The following COG4 variants were observed in gnomAD, a reference collection of about 807,000 sequenced individuals.
COG4 encodes component of oligomeric golgi complex 4, also known as conserved oligomeric Golgi complex subunit 4.
Under a neutral mutation model 95.1 loss-of-function variants are expected in COG4, and 65 were observed. The ratio of observed to expected loss-of-function variants is 0.68; its 90% CI spans 0.56 to 0.84. COG4 has a LOEUF of 0.84. COG4 is among the 40% of genes least tolerant of loss of function. The pLI is 0.00. For missense variants in COG4, 1,045 were observed against 989.1 expected, an observed-to-expected ratio of 1.06 and a Z score of -0.76; for synonymous variants, 421 against 374.8, an observed-to-expected ratio of 1.12 and a Z score of -1.42.
At chr16:70,506,463 C>T (rs2049569218) in intron 8 of COG4, among the ~76,000 whole-genome samples, 1 of 149,482 alleles carries the variant, frequency 6.7e-6, no homozygotes, top group South Asian at 2.1e-4. Flanking sequence ...GTGGTGGCAC[C>T]TGCCTACAGT....
At chr16:70,521,078 T>C (rs2049932289) in intron 1 of COG4, among the ~76,000 whole-genome samples, 1 of 152,008 alleles carries the variant, frequency 6.6e-6, no homozygotes, top group Non-Finnish European at 1.5e-5. Flanking sequence ...AGCCACGAGG[T>C]CTCACTATAT....
chr16:70,509,399 G>A lies in COG4; in HGVS notation c.845-11C>T, dbSNP rs561547292. 2.0e-5 allele frequency: 32 copies of A among 1,614,098 alleles called. 1 individual carries two copies. The highest frequency in any genetic ancestry group is 1.6e-4 in the South Asian group (15 of 91,082). On this transcript the variant is annotated splice_polypyrimidine_tract_variant and intron_variant, in intron 6 of 18. Transcript: ENST00000323786. ...CAATGCGGGCAATCCCTAGAAGGGA[G>A]GAAGCAATAGGGTTATATTCCAAGT... is the stretch of plus-strand genomic sequence containing the variant.
In COG4 at chr16:70,480,999, CA is replaced by C; in HGVS notation, c.*10del. 1.2e-6 allele frequency: 2 copies of C among 1,611,684 alleles called. No homozygotes were observed. The highest frequency in any genetic ancestry group is 1.7e-6 in the Non-Finnish European group (2 of 1,179,976). The stretch of plus-strand genomic sequence containing the variant: ...GCAAGTGTGATGAGCCAGGTGTGCT[CA>C]TCCAGGCAGCTACAGGCGCAGCCTC... On this transcript the variant is annotated 3_prime_UTR_variant, in exon 19 of 19. Transcript: ENST00000323786.
At chr16:70,491,715 TC>T (rs1468811776) in intron 12 of COG4, among the ~76,000 whole-genome samples, 2 of 144,604 alleles carry the variant, frequency 1.4e-5, no homozygotes, top group Non-Finnish European at 3.0e-5. Flanking sequence ...TCCCAGCTAC[TC>T]GGGAGGCTGA....
chr16:70,517,682 T>TA lies in COG4; in HGVS notation c.312dup (p.Thr105TyrfsTer6). ...GACACATTCTCAGCCAGGTTGCAGG[T>TA]AAAGGTGATCATTCCAGCCAGCTGC... On this transcript the variant is annotated frameshift_variant, in exon 3 of 19. Coordinates refer to ENST00000323786, the MANE Select transcript of COG4 (RefSeq NM_015386.3). LOFTEE classifies it high-confidence loss of function. 3 of 1,610,376 alleles carry TA rather than the reference T, an allele frequency of 1.9e-6. No homozygotes were observed.
chr16:70,496,520 G>T, intron 11 of COG4, 89 bp from the exon 12 acceptor site: 2 of 1,312,004 alleles, frequency 1.5e-6, no homozygotes, highest in Non-Finnish European at 2.2e-6. Context: ...TGACCCAGCA[G>T]CACAAGGTGC....
intron 14 of COG4, 55 bp from the exon 15 acceptor site, chr16:70,482,876 C>T (rs2049029737): frequency 1.4e-5 from 18 of 1,329,690 alleles, no homozygotes; most frequent in Non-Finnish European, 1.6e-5. Context: ...TCATCCCTTC[C>T]CTCTCTCTTC....
In COG4 at chr16:70,509,992, G is replaced by A. The variant is rs202156699; in HGVS notation, c.768C>T (p.Leu256=). The A allele has an allele frequency of 1.2e-5, 20 of 1,614,024 alleles. No individual in the cohort carries two copies. The Admixed American group carries it at 2.5e-4, about 20-fold the overall frequency. ...CACTCATGTCTGTCCCCAGCACCAT[G>A]AGCAGATTCTCCTCAGCTTTACTGG... ...QVASKAEENL[L]MVLGTDMSDR... is the part of the protein sequence containing the mutation. The change falls in exon 6 of 19, where the codon CTC becomes CTT. Residue 256 remains leucine, a synonymous_variant. Transcript: ENST00000323786.
intron 4 of COG4, 111 bp downstream of exon 4, chr16:70,514,224 A>G: frequency 9.3e-7 from 1 of 1,080,112 alleles, no homozygotes; most frequent in Non-Finnish European, 1.4e-6. Context: ...AAGAAGAAAA[A>G]GAAAAAAGAA....
At chr16:70,506,931 G>A (rs905965878) in intron 8 of COG4, among the ~76,000 whole-genome samples, 2 of 152,162 alleles carry the variant, frequency 1.3e-5, no homozygotes, top group African/African-American at 4.8e-5. Flanking sequence ...GAACTGCTGG[G>A]CTGGGCATGG....
rs1343748212 is a variant in COG4, at chr16:70,497,367, A to G, written c.1335T>C (p.Tyr445=). ...TGCTGGATGTCAGCTGGCCCTTCTCATAGGTGTCCAGAGCCACAGCCTACC... is the reference window on the plus strand; with the variant it reads ...TGCTGGATGTCAGCTGGCCCTTCTCGTAGGTGTCCAGAGCCACAGCCTACC... ...TVNKAVALDT[Y]EKGQLTSSMV... The change falls in exon 11 of 19, where the codon TAT becomes TAC. Residue 445 remains tyrosine, a synonymous_variant. Coordinates refer to ENST00000323786, the MANE Select transcript of COG4 (RefSeq NM_015386.3). The G allele has an allele frequency of 6.2e-6, 10 of 1,613,350 alleles. No individual in the cohort carries two copies. The highest frequency in any genetic ancestry group is 8.5e-6 in the Non-Finnish European group (10 of 1,179,848).
intron 13 of COG4, among the ~76,000 whole-genome samples, chr16:70,486,331 T>C (rs552891448): frequency 6.6e-6 from 1 of 152,300 alleles, no homozygotes; most frequent in East Asian, 1.9e-4. Context: ...TCATGCTGTT[T>C]TGGCTCCAGA....
chr16:70,508,659 T>C (rs1384039765), intron 7 of COG4, 195 bp from the exon 8 acceptor site: 3 of 683,198 alleles, frequency 4.4e-6, no homozygotes, highest in Admixed American at 2.0e-5. Flanking sequence ...ATGCTAATAA[T>C]ACTCACCTCT....
chr16:70,505,265 T>C (rs896131508), intron 8 of COG4, among the ~76,000 whole-genome samples: 4 of 149,070 alleles, frequency 2.7e-5, no homozygotes, highest in South Asian at 2.1e-4. Flanking sequence ...TGGCACGATA[T>C]TGGCTCACTG....
At chr16:70,503,185 G>A (rs1052975952) in intron 8 of COG4, among the ~76,000 whole-genome samples, 4 of 152,138 alleles carry the variant, frequency 2.6e-5, no homozygotes. Flanking sequence ...CCAAGTAGCT[G>A]GGATTATAGA....
Position 70,512,351 on chromosome 16 carries a change from A to C in COG4, c.626T>G (p.Ile209Ser). ...LKAIVAEKFA[I>S]ATKEGDLPQV... ...GGGCAGATCACCTTCCTTGGTGGCA[A>C]TGGCAAACTTCTCTGCCACAATGGC... Residue 209 changes from isoleucine (I) to serine (S), a missense_variant, in exon 5 of 19, where the codon ATT (isoleucine) becomes AGT (serine). Coordinates refer to ENST00000323786, the MANE Select transcript of COG4 (RefSeq NM_015386.3). The C allele has an allele frequency of 6.2e-7, 1 of 1,614,132 alleles. No individual in the cohort carries two copies. Among genetic ancestry groups the C allele is most frequent in the African/African-American group, 1.3e-5 (1 of 75,044 alleles).
At chr16:70,481,957 C>G in intron 16 of COG4, 92 bp from the exon 17 acceptor site, 2 of 1,371,176 alleles carry the variant, frequency 1.5e-6, no homozygotes, top group Non-Finnish European at 2.1e-6. Flanking sequence ...AGCGTGAGGC[C>G]ACGGGGGAGT....
In COG4 at chr16:70,514,334, C is replaced by A. The variant is rs540632609; in HGVS notation, c.544+1G>T. ...AAAAACCAACAGTTTCGGATGCTGA[C>A]CCTCTTTGCCCTGTCGGCTGAGCTC... On this transcript the variant is annotated splice_donor_variant, in intron 4 of 18. Transcript: ENST00000323786. LOFTEE classifies it high-confidence loss of function. The A allele has an allele frequency of 1.2e-6, 2 of 1,614,108 alleles. No individual in the cohort carries two copies. The highest frequency in any genetic ancestry group is 2.2e-5 in the East Asian group (1 of 44,890).
chr16:70,500,365 C>CTTTTTTTTT lies in COG4; in HGVS notation c.1195+584_1195+592dup, dbSNP rs68141616. ...AGAGGATTCCTGTACATTATATACTCTTTTTTTTTTTTTTTTTTTTTGAGA... is the reference window on the plus strand; with the variant it reads ...AGAGGATTCCTGTACATTATATACTCTTTTTTTTTTTTTTTTTTTTTTTTTTTTTTGAGA... On this transcript the variant is annotated intron_variant, in intron 9 of 18. Transcript: ENST00000323786. Among the ~76,000 whole-genome samples, 286 of 96,160 alleles carry CTTTTTTTTT rather than the reference C, an allele frequency of 3.0e-3. 18 individuals are homozygous for CTTTTTTTTT. Among genetic ancestry groups the CTTTTTTTTT allele is most frequent in the African/African-American group, 0.013 (255 of 20,020 alleles). 63.1% of individuals were successfully genotyped at this position (96,160 alleles called of 152,430 possible).
Sources: allele counts gnomAD v4.1 joint callset (sites outside exome capture counted in the v4.1 genomes callset), GRCh38; gene constraint gnomAD v4.1.1; transcripts MANE v1.5; gene names NCBI Gene and HGNC (gene_info 2026-07-23, HGNC 2026-07-21).